The following KCNA6 variants were observed in gnomAD, a reference collection of about 807,000 sequenced individuals.
KCNA6 encodes the protein human brain potassium channel-2.
KCNA6 carries 17 observed loss-of-function variants against 29.5 expected under a neutral mutation model. That is an observed-to-expected ratio of 0.58 (90% CI 0.39 to 0.86). The LOEUF is 0.86. KCNA6 is among the 40% of genes least tolerant of loss of function. The pLI is 0.00. For synonymous variants in KCNA6, 296 were observed against 304.7 expected (o/e 0.97, Z 0.30); for missense variants, 450 against 703.4 (o/e 0.64, Z 4.07).
chr12:4,824,014 C>G, the KCNA6 span, among the ~76,000 whole-genome samples: 959 of 152,224 alleles, frequency 6.3e-3, 12 homozygotes, highest in African/African-American at 0.022. Flanking sequence ...GAAGTCAGCT[C>G]CCAGTGCTGT....
the KCNA6 span, among the ~76,000 whole-genome samples, chr12:4,841,923 G>T: frequency 4.6e-5 from 7 of 152,040 alleles, no homozygotes; most frequent in African/African-American, 1.4e-4. Flanking sequence ...CAATTTTTCA[G>T]CATATATGTA....
the KCNA6 span, among the ~76,000 whole-genome samples, chr12:4,821,389 C>T: frequency 1.3e-5 from 2 of 152,126 alleles, no homozygotes; most frequent in Non-Finnish European, 2.9e-5. Context: ...CAGGCACACC[C>T]TCCCCAACCA....
At position 4,811,310 on chromosome 12, in the gene KCNA6, A is replaced by G. The variant is rs748832732; in HGVS notation, c.1269A>G (p.Val423=). Reference sequence around the variant, plus strand: ...GGGCAGTGGTTACAATGACCACGGTAGGTTACGGGGACATGTACCCCATGA... The same window carrying G: ...GGGCAGTGGTTACAATGACCACGGTGGGTTACGGGGACATGTACCCCATGA... Residue 423 remains valine (V), a synonymous_variant, in exon 1 of 1, where the codon GTA becomes GTG. Coordinates refer to ENST00000280684, the Ensembl canonical transcript of KCNA6. The surrounding 1 kb of genome is among the most constrained non-coding windows in gnomAD (Gnocchi z 7.1). 1 of 1,614,172 alleles carries G rather than the reference A, an allele frequency of 6.2e-7. No individual in the cohort carries two copies. The highest frequency in any genetic ancestry group is 1.1e-5 in the South Asian group (1 of 91,074).
At chr12:4,829,510 C>T in the KCNA6 span, among the ~76,000 whole-genome samples, 1 of 152,094 alleles carries the variant, frequency 6.6e-6, no homozygotes, top group African/African-American at 2.4e-5. Flanking sequence ...TGAGAATATG[C>T]CTTTTTAAAA....
In KCNA6 at chr12:4,810,058, C is replaced by T; in HGVS notation, c.17C>T (p.Ser6Phe). The T allele has an allele frequency of 6.5e-7, 1 of 1,543,448 alleles. No individual in the cohort carries two copies. Among genetic ancestry groups the T allele is most frequent in the South Asian group, 1.2e-5 (1 of 80,462 alleles). ...CGAGGGGGCATGAGATCGGAGAAAT[C>T]CCTTACGCTGGCGGCGCCGGGGGAG... The change falls in exon 1 of 1, where the codon TCC becomes TTC. Residue 6 changes from serine (S) to phenylalanine (F), a missense_variant. Around this residue, in one of 7 missense-constraint regions of KCNA6, gnomAD observed 72 missense variants for 64.2 expected, o/e 1.12. Coordinates refer to ENST00000280684, the Ensembl canonical transcript of KCNA6. This position sits in a 1 kb window ranked among gnomAD's most constrained non-coding sequence, Gnocchi z 7.5.
the KCNA6 span, among the ~76,000 whole-genome samples, chr12:4,820,836 T>G: frequency 6.6e-6 from 1 of 152,182 alleles, no homozygotes; most frequent in Non-Finnish European, 1.5e-5. Flanking sequence ...GAGAGGCTCA[T>G]GTACAGGCTC....
At chr12:4,820,719 G>GA in the KCNA6 span, among the ~76,000 whole-genome samples, 1 of 152,256 alleles carries the variant, frequency 6.6e-6, no homozygotes, top group East Asian at 1.9e-4. Flanking sequence ...CAGAGGCAGT[G>GA]AGCCTAGCTA....
the KCNA6 span, among the ~76,000 whole-genome samples, chr12:4,834,025 C>T: frequency 6.6e-6 from 1 of 151,462 alleles, no homozygotes; most frequent in Non-Finnish European, 1.5e-5. Flanking sequence ...ATGTCTCAGG[C>T]CCAAGGGCTC....
At chr12:4,844,305 G>A in the KCNA6 span, among the ~76,000 whole-genome samples, 2 of 152,230 alleles carry the variant, frequency 1.3e-5, no homozygotes, top group South Asian at 2.1e-4. This position sits in a 1 kb window ranked among gnomAD's most constrained non-coding sequence, Gnocchi z 4.0. Context: ...TTATAATGAG[G>A]TGGTGCCCTT....
the KCNA6 span, among the ~76,000 whole-genome samples, chr12:4,848,358 A>G: frequency 6.6e-6 from 1 of 152,116 alleles, no homozygotes; most frequent in Non-Finnish European, 1.5e-5. Flanking sequence ...CCCCCTCCCA[A>G]GTAAAATGCT....
chr12:4,826,555 A>T, the KCNA6 span, among the ~76,000 whole-genome samples: 1 of 152,222 alleles, frequency 6.6e-6, no homozygotes, highest in Non-Finnish European at 1.5e-5. Flanking sequence ...GTCTGTCACT[A>T]ACCTGCTGTG....
At chr12:4,816,794 G>T (rs1359594059), downstream of KCNA6, among the ~76,000 whole-genome samples, 1 of 151,884 alleles carries the variant, frequency 6.6e-6, no homozygotes, top group African/African-American at 2.4e-5. Flanking sequence ...GTAAACAAAA[G>T]AAGTGGACGG....
downstream of KCNA6, among the ~76,000 whole-genome samples, chr12:4,818,137 G>A (rs1003118651): frequency 2.0e-5 from 3 of 152,306 alleles, no homozygotes; most frequent in South Asian, 2.1e-4. Flanking sequence ...CACTGGAAGC[G>A]TGGCACCTGG....
chr12:4,833,934 T>TAA, the KCNA6 span, among the ~76,000 whole-genome samples: 56 of 148,134 alleles, frequency 3.8e-4, no homozygotes, highest in African/African-American at 6.9e-4. Context: ...AAATTAAATT[T>TAA]TTTTTTTTTT....
downstream of KCNA6, among the ~76,000 whole-genome samples, chr12:4,815,001 T>C (rs1946668141): frequency 6.6e-6 from 1 of 152,214 alleles, no homozygotes; most frequent in African/African-American, 2.4e-5. Flanking sequence ...CCCTTGATGC[T>C]GCTGGCCCCT....
At chr12:4,841,181 C>G in the KCNA6 span, among the ~76,000 whole-genome samples, 1 of 152,204 alleles carries the variant, frequency 6.6e-6, no homozygotes, top group African/African-American at 2.4e-5. Context: ...ATGCCCTCAT[C>G]TTATGCTGAA....
the KCNA6 span, among the ~76,000 whole-genome samples, chr12:4,837,492 G>A: frequency 1.3e-5 from 2 of 152,098 alleles, no homozygotes; most frequent in Admixed American, 6.5e-5. Flanking sequence ...GTGGGGCTGA[G>A]CCCTCAACCT....
exon 1 of KCNA6, chr12:4,812,960 C>T: frequency 6.0e-6 from 1 of 167,142 alleles, no homozygotes; most frequent in East Asian, 1.9e-4. Flanking sequence ...CATCTATCCA[C>T]CTGCCCACCT....
In KCNA6 at chr12:4,810,676, G is replaced by A. The variant is rs760292713; in HGVS notation, c.635G>A (p.Ser212Asn). Residue 212 changes from serine to asparagine, a missense_variant, in exon 1 of 1, where the codon AGT (serine) becomes AAT (asparagine). By Grantham distance (46) the Ser-to-Asn change is conservative. Around this residue, in one of 7 missense-constraint regions of KCNA6, gnomAD observed 74 missense variants for 71.5 expected, o/e 1.03. Coordinates refer to ENST00000280684, the Ensembl canonical transcript of KCNA6. The surrounding 1 kb of genome is among the most constrained non-coding windows in gnomAD (Gnocchi z 7.5). ...CGAGGTGGAAACAATGGTGGTGTGA[G>A]TCGAGTCTCCCCAGTTTCCAGGGGG... 34 of 1,614,106 alleles carry A rather than the reference G, an allele frequency of 2.1e-5. No homozygotes were observed. The highest frequency in any genetic ancestry group is 2.7e-5 in the Non-Finnish European group (32 of 1,180,006).
Sources: gnomAD v4.1 joint callset for allele counts (sites outside exome capture counted in the v4.1 genomes callset) on GRCh38, gnomAD v4.1.1 for gene constraint, gnomAD v4.1.1 regional missense constraint, Gnocchi (gnomAD v3.1) non-coding constraint, MANE v1.5 for transcripts, NCBI Gene and HGNC (gene_info 2026-07-23, HGNC 2026-07-21) for gene names.